Variants in TMEM117 observed in about 807,000 individuals in gnomAD.
The protein encoded by TMEM117 is transmembrane protein 117.
Under a neutral mutation model 52.4 loss-of-function variants are expected in TMEM117, and 27 were observed. The ratio of observed to expected loss-of-function variants is 0.51; its 90% CI spans 0.38 to 0.71. TMEM117 has a LOEUF of 0.71. TMEM117 is among the 30% of genes least tolerant of loss of function. TMEM117 has a pLI of 0.00. For missense variants in TMEM117, 556 were observed against 630.5 expected, an observed-to-expected ratio of 0.88 and a Z score of 1.26; for synonymous variants, 215 against 206.3, an observed-to-expected ratio of 1.04 and a Z score of -0.36.
At chr12:44,097,980 A>T (rs996517972) in intron 3 of TMEM117, among the ~76,000 whole-genome samples, 1 of 152,048 alleles carries the variant, frequency 6.6e-6, no homozygotes, top group African/African-American at 2.4e-5. Flanking sequence ...GGAATATAGG[A>T]TGACTCCTCT....
At chr12:44,365,961 C>T (rs1182373164) in intron 6 of TMEM117, among the ~76,000 whole-genome samples, 1 of 151,912 alleles carries the variant, frequency 6.6e-6, no homozygotes, top group African/African-American at 2.4e-5. Flanking sequence ...TGGGAGGATT[C>T]CTGTAACCTC....
chr12:44,277,735 T>A (rs1283565505), intron 5 of TMEM117, among the ~76,000 whole-genome samples: 1 of 148,718 alleles, frequency 6.7e-6, no homozygotes. Flanking sequence ...CTGCATCTAC[T>A]GCCACTAGCC....
At chr12:44,348,717 GA>G (rs1436191869) in intron 6 of TMEM117, among the ~76,000 whole-genome samples, 1 of 151,916 alleles carries the variant, frequency 6.6e-6, no homozygotes, top group Non-Finnish European at 1.5e-5. Context: ...TTTAGACTAA[GA>G]AAAGGGGATA....
At chr12:43,831,229 G>T (rs75705412), upstream of TMEM117, among the ~76,000 whole-genome samples, 1,735 of 152,280 alleles carry the variant, frequency 0.011, 42 homozygotes, top group African/African-American at 0.038. Flanking sequence ...TATGTAATTA[G>T]CATCATCCCG....
intron 6 of TMEM117, among the ~76,000 whole-genome samples, chr12:44,352,190 C>T (rs1321792811): frequency 2.0e-5 from 3 of 151,958 alleles, no homozygotes; most frequent in Admixed American, 1.3e-4. Context: ...GCATTGCATG[C>T]CTGTATCAAA....
intron 5 of TMEM117, among the ~76,000 whole-genome samples, chr12:44,282,733 T>G (rs1950593458): frequency 6.6e-6 from 1 of 151,310 alleles, no homozygotes; most frequent in Admixed American, 6.8e-5. Context: ...TGGGGAGAAA[T>G]TCAAGCCAGC....
chr12:44,156,193 CAG>C (rs1281127437), intron 4 of TMEM117, among the ~76,000 whole-genome samples: 1 of 152,226 alleles, frequency 6.6e-6, no homozygotes, highest in African/African-American at 2.4e-5. Flanking sequence ...AGCATGGATT[CAG>C]AGAGACCTCA....
intron 4 of TMEM117, among the ~76,000 whole-genome samples, chr12:44,189,027 A>G (rs1206988163): frequency 1.3e-5 from 2 of 152,168 alleles, no homozygotes; most frequent in African/African-American, 4.8e-5. Context: ...TAATTGGGAT[A>G]TATACCACCT....
At chr12:43,923,281 T>G (rs770801246) in intron 2 of TMEM117, among the ~76,000 whole-genome samples, 2 of 152,218 alleles carry the variant, frequency 1.3e-5, no homozygotes, top group South Asian at 4.1e-4. Context: ...TGGCCCATTA[T>G]AGTGGATTTA....
At chr12:44,305,139 C>A (rs906187282) in intron 6 of TMEM117, among the ~76,000 whole-genome samples, 1 of 152,138 alleles carries the variant, frequency 6.6e-6, no homozygotes, top group African/African-American at 2.4e-5. Context: ...GACTAAACAG[C>A]CATTGGATCT....
At chr12:44,145,183 C>CT (rs1948626515) in intron 4 of TMEM117, among the ~76,000 whole-genome samples, 1 of 152,090 alleles carries the variant, frequency 6.6e-6, no homozygotes, top group Non-Finnish European at 1.5e-5. Context: ...AGAAAAATTT[C>CT]TTTTTTCCAT....
At chr12:44,022,013 C>T (rs1018329136) in intron 3 of TMEM117, among the ~76,000 whole-genome samples, 1 of 152,246 alleles carries the variant, frequency 6.6e-6, no homozygotes, top group African/African-American at 2.4e-5. Flanking sequence ...AAATAATAAG[C>T]CAGGTAGGTT....
chr12:44,152,807 T>C (rs1948770878), intron 4 of TMEM117, among the ~76,000 whole-genome samples: 7 of 143,424 alleles, frequency 4.9e-5, no homozygotes, highest in Admixed American at 1.5e-4. Context: ...ATATACATTA[T>C]GTTTATATGA....
intron 3 of TMEM117, among the ~76,000 whole-genome samples, chr12:44,048,512 C>A (rs1397902060): frequency 6.6e-6 from 1 of 152,194 alleles, no homozygotes; most frequent in Non-Finnish European, 1.5e-5. Flanking sequence ...ACTTTAATAA[C>A]AGCTTTAGCT....
At chr12:44,078,499 C>T (rs547375610) in intron 3 of TMEM117, among the ~76,000 whole-genome samples, 9 of 152,320 alleles carry the variant, frequency 5.9e-5, no homozygotes, top group African/African-American at 9.6e-5. Context: ...CACGAGTATA[C>T]ACTGCAGGTG....
chr12:44,075,774 T>C (rs1947372695), intron 3 of TMEM117, among the ~76,000 whole-genome samples: 1 of 152,200 alleles, frequency 6.6e-6, no homozygotes, highest in South Asian at 2.1e-4. Context: ...GGGGAAATTA[T>C]AGTACTCTTT....
intron 2 of TMEM117, among the ~76,000 whole-genome samples, chr12:43,871,725 G>A (rs1414704505): frequency 1.3e-5 from 2 of 152,154 alleles, no homozygotes; most frequent in African/African-American, 4.8e-5. Context: ...GTTAAGAGAT[G>A]TATGCTAATA....
rs1948993252 is a variant in TMEM117 at position 44,168,063 on chromosome 12, G to T, written c.510+24439G>T. ...AAGGTCAGGAGTTTGAGACCAGCCT[G>T]GCCAATATGGTGAAACCCCGTCTCT... On this transcript the variant is annotated intron_variant, in intron 4 of 7. Coordinates refer to ENST00000266534, the MANE Select transcript of TMEM117 (RefSeq NM_032256.3). 2.6e-5 allele frequency among the ~76,000 whole-genome samples: 4 copies of T among 152,164 alleles called. No homozygotes were observed. In the South Asian group the frequency reaches 8.3e-4, roughly 32 times the overall value.
intron 6 of TMEM117, among the ~76,000 whole-genome samples, chr12:44,333,739 A>G (rs1951303393): frequency 1.3e-5 from 2 of 152,150 alleles, no homozygotes; most frequent in South Asian, 2.1e-4. Context: ...TGATAGCAGC[A>G]TGAGAACAAA....
Sources: gnomAD v4.1 joint callset for allele counts (sites outside exome capture counted in the v4.1 genomes callset) on GRCh38, gnomAD v4.1.1 for gene constraint, MANE v1.5 for transcripts, NCBI Gene and HGNC (gene_info 2026-07-23, HGNC 2026-07-21) for gene names.